The following CADPS2 variants were observed in gnomAD, a reference collection of about 807,000 sequenced individuals.
The protein encoded by CADPS2 is calcium-dependent secretion activator 2.
In CADPS2, 93 loss-of-function variants were observed where a neutral mutation model predicts 172.5. That is an observed-to-expected ratio of 0.54 (90% CI 0.46 to 0.64). The LOEUF is 0.64. Among genes scored for constraint, CADPS2 ranks in the 30% least tolerant of loss-of-function variants. CADPS2 has a pLI of 0.00. For synonymous variants in CADPS2, 546 were observed against 555.2 expected, an observed-to-expected ratio of 0.98 and a Z score of 0.23; for missense variants, 1,420 against 1,565.9, an observed-to-expected ratio of 0.91 and a Z score of 1.57.
At chr7:122,482,933 G>A (rs770253483) in intron 11 of CADPS2, among the ~76,000 whole-genome samples, 3 of 152,128 alleles carry the variant, frequency 2.0e-5, no homozygotes, top group African/African-American at 4.8e-5. Context: ...TAAAGGATTC[G>A]AGAGGACAGT....
chr7:122,884,640 C>T (rs1243146753), intron 1 of CADPS2, among the ~76,000 whole-genome samples: 1 of 152,120 alleles, frequency 6.6e-6, no homozygotes, highest in Non-Finnish European at 1.5e-5. Context: ...AAAATAGTTG[C>T]TCAGTTTGTG....
chr7:122,644,501 T>C (rs2078083509), intron 3 of CADPS2, among the ~76,000 whole-genome samples: 1 of 152,168 alleles, frequency 6.6e-6, no homozygotes. Flanking sequence ...ATATTTCACC[T>C]TACCCTAATG....
rs184175030 is a variant in CADPS2 at position 122,545,936 on chromosome 7, G to A, written c.1475+8614C>T. ...GTTTTAGAAGTATTAATATTGATACGTAAAATAACCAGAGGCATTAAAAAT... is the reference window on the plus strand; with the variant it reads ...GTTTTAGAAGTATTAATATTGATACATAAAATAACCAGAGGCATTAAAAAT... On this transcript the variant is annotated intron_variant, in intron 8 of 29. Coordinates refer to ENST00000449022, the MANE Select transcript of CADPS2 (RefSeq NM_017954.11). 9.3e-4 allele frequency among the ~76,000 whole-genome samples: 142 copies of A among 152,128 alleles called. 1 individual carries two copies. The highest frequency in any genetic ancestry group is 1.9e-3 in the Non-Finnish European group (128 of 68,000).
intron 4 of CADPS2, among the ~76,000 whole-genome samples, chr7:122,622,038 T>C (rs750262006): frequency 3.3e-4 from 51 of 152,320 alleles, no homozygotes; most frequent in South Asian, 4.1e-4. Context: ...TTTTAGCGTA[T>C]AGATGAACCT....
chr7:122,608,492 C>A (rs536352588), intron 6 of CADPS2, among the ~76,000 whole-genome samples: 59 of 152,234 alleles, frequency 3.9e-4, no homozygotes, highest in African/African-American at 1.3e-3. Context: ...AATAGTTTGA[C>A]AGATATTACA....
chr7:122,465,464 A>G (rs1435744059), intron 14 of CADPS2, among the ~76,000 whole-genome samples: 1 of 152,190 alleles, frequency 6.6e-6, no homozygotes, highest in East Asian at 1.9e-4. Flanking sequence ...GCAGGAGGTG[A>G]GCGGCAGGCA....
intron 6 of CADPS2, among the ~76,000 whole-genome samples, chr7:122,602,391 A>G (rs968623191): frequency 6.6e-6 from 1 of 152,062 alleles, no homozygotes; most frequent in Non-Finnish European, 1.5e-5. Flanking sequence ...ATACAGAAAC[A>G]CACCATGGAA....
chr7:122,854,574 T>G (rs1243285756), intron 1 of CADPS2, among the ~76,000 whole-genome samples: 1 of 152,188 alleles, frequency 6.6e-6, no homozygotes, highest in Non-Finnish European at 1.5e-5. Context: ...TGCCTAGCTG[T>G]GCCAGAACAA....
chr7:122,330,696 T>C (rs1156881113), intron 28 of CADPS2: 8 of 152,196 alleles, frequency 5.3e-5, no homozygotes, highest in Non-Finnish European at 1.2e-4. Context: ...ACCCAACCTA[T>C]GCCAATCAAC....
chr7:122,732,797 T>TATAATATATG (rs1554374263), intron 2 of CADPS2, among the ~76,000 whole-genome samples: 1 of 142,762 alleles, frequency 7.0e-6, no homozygotes, highest in African/African-American at 2.6e-5. Flanking sequence ...TATATATACA[T>TATAATATATG]TATATATTAT....
At chr7:122,635,722 T>C (rs1045890957) in intron 3 of CADPS2, among the ~76,000 whole-genome samples, 1 of 152,178 alleles carries the variant, frequency 6.6e-6, no homozygotes, top group African/African-American at 2.4e-5. Flanking sequence ...CTACTGTGAA[T>C]AGTGGTGTGG....
chr7:122,564,846 T>TGCACAC (rs759674813), intron 7 of CADPS2, among the ~76,000 whole-genome samples: 6,052 of 75,230 alleles, frequency 0.08, 196 homozygotes, highest in Non-Finnish European at 0.097. Context: ...TACACACACA[T>TGCACAC]GCACACACAC....
chr7:122,386,576 G>A lies in CADPS2; in HGVS notation c.3312+450C>T, dbSNP rs555719106. Among the ~76,000 whole-genome samples the A allele has an allele frequency of 5.9e-5, 9 of 151,960 alleles. No individual in the cohort carries two copies. In the South Asian group the frequency reaches 1.9e-3, roughly 32 times the overall value. The stretch of plus-strand genomic sequence containing the variant: ...ATAGGATATTTATTGATAAGAACTA[G>A]GCCTAGATTTTTAAGTCTATTTCAA... On this transcript the variant is annotated intron_variant, in intron 24 of 29. Transcript: ENST00000449022.
intron 1 of CADPS2, among the ~76,000 whole-genome samples, chr7:122,809,929 A>G (rs1799661759): frequency 6.6e-6 from 1 of 152,200 alleles, no homozygotes. Flanking sequence ...TACTAATGGC[A>G]GGTGCTAATG....
chr7:122,442,082 C>T (rs1302954473), intron 15 of CADPS2, among the ~76,000 whole-genome samples: 1 of 152,174 alleles, frequency 6.6e-6, no homozygotes, highest in African/African-American at 2.4e-5. Flanking sequence ...CACATAAACC[C>T]TCTGCAGTTC....
chr7:122,437,684 A>G (rs193294553), intron 17 of CADPS2, among the ~76,000 whole-genome samples: 318 of 152,208 alleles, frequency 2.1e-3, no homozygotes, highest in African/African-American at 7.4e-3. Context: ...TTAATTACAT[A>G]AATTAATGTG....
chr7:122,649,817 TGAG>T (rs751231890), intron 3 of CADPS2, among the ~76,000 whole-genome samples: 2 of 151,548 alleles, frequency 1.3e-5, no homozygotes, highest in Non-Finnish European at 2.9e-5. Context: ...ATTAATGCCT[TGAG>T]GGAAGGAATC....
chr7:122,473,533 A>G (rs969015506), intron 13 of CADPS2, among the ~76,000 whole-genome samples: 3 of 152,224 alleles, frequency 2.0e-5, no homozygotes, highest in Admixed American at 6.5e-5. Flanking sequence ...AGAAAATTCA[A>G]TATTTGAAAC....
intron 6 of CADPS2, among the ~76,000 whole-genome samples, chr7:122,612,849 T>C (rs113479671): frequency 6.6e-6 from 1 of 152,088 alleles, no homozygotes; most frequent in African/African-American, 2.4e-5. Flanking sequence ...AATAGACATA[T>C]AGATTGGTAA....
Sources: gnomAD v4.1 joint callset for allele counts (sites outside exome capture counted in the v4.1 genomes callset) on GRCh38, gnomAD v4.1.1 for gene constraint, MANE v1.5 for transcripts, NCBI Gene and HGNC (gene_info 2026-07-23, HGNC 2026-07-21) for gene names.